The following ZNF333 variants were observed in gnomAD, a reference collection of about 807,000 sequenced individuals.
The protein encoded by ZNF333 is zinc finger protein 333.
ZNF333 carries 61 observed loss-of-function variants against 76.1 expected under a neutral mutation model. The ratio of observed to expected loss-of-function variants is 0.80; its 90% CI spans 0.65 to 0.99. ZNF333 has a LOEUF of 0.99. Among genes scored for constraint, ZNF333 ranks in the 50% least tolerant of loss-of-function variants. The pLI is 0.00. For synonymous variants in ZNF333, 284 were observed against 305.0 expected (o/e 0.93, Z 0.72); for missense variants, 717 against 822.4 (o/e 0.87, Z 1.57).
rs1470360312 is a variant in ZNF333, at chr19:14,718,695, G to T, written c.1368G>T (p.Gly456=). Residue 456 remains glycine, a synonymous_variant, in exon 12 of 12, where the codon GGG becomes GGT. Transcript: ENST00000292530. ...AGCCCTACGAGTGTAAAGATTGTGG[G>T]AAAGCCTTCAATCAGCCATCATCCC... ...GEKPYECKDC[G]KAFNQPSSLR... 2 of 1,613,894 alleles carry T rather than the reference G, an allele frequency of 1.2e-6. No individual in the cohort carries two copies. Among genetic ancestry groups the T allele is most frequent in the Non-Finnish European group, 1.7e-6 (2 of 1,180,028 alleles).
chr19:14,706,866 T>A, intron 7 of ZNF333, 93 bp downstream of exon 7: 2 of 1,080,674 alleles, frequency 1.9e-6, no homozygotes, highest in African/African-American at 1.6e-5. Flanking sequence ...CTGCATTTCC[T>A]CTGACTGCAG....
intron 2 of ZNF333, among the ~76,000 whole-genome samples, chr19:14,694,520 C>G (rs556856676): frequency 6.6e-6 from 1 of 152,082 alleles, no homozygotes; most frequent in Non-Finnish European, 1.5e-5. Context: ...AATGGAAGTC[C>G]TACTTTCACA....
chr19:14,720,277 A>G lies in ZNF333; in HGVS notation c.*952A>G, dbSNP rs1018182993. ...TCCTCCGGTCCTGGCTAGTATGAAT[A>G]TGAGAAGTCACTGGATGTGACTCTG... On this transcript the variant is annotated 3_prime_UTR_variant, in exon 12 of 12. Coordinates refer to ENST00000292530, the MANE Select transcript of ZNF333 (RefSeq NM_032433.4). 3.0e-6 allele frequency: 3 copies of G among 985,300 alleles called. No homozygotes were observed. The highest frequency in any genetic ancestry group is 3.6e-6 in the Non-Finnish European group (3 of 829,932). The allele number at this position is 985,300 out of a possible 1,614,324, so 61.0% of individuals were successfully genotyped here. A position where few individuals can be genotyped will look rare whatever the true frequency, so the allele number is the denominator to read the frequency against.
intron 7 of ZNF333, among the ~76,000 whole-genome samples, chr19:14,707,680 T>C (rs2042154934): frequency 6.7e-6 from 1 of 149,342 alleles, no homozygotes; most frequent in Non-Finnish European, 1.5e-5. Context: ...GCCTCCCGAG[T>C]AGCTGGGATT....
intron 7 of ZNF333, among the ~76,000 whole-genome samples, chr19:14,710,400 TC>T (rs1262046956): frequency 2.6e-5 from 4 of 152,268 alleles, no homozygotes; most frequent in African/African-American, 9.6e-5. Context: ...ACCACCCCAG[TC>T]TTGATGATCC....
chr19:14,690,229 C>G (rs1972652520), intron 1 of ZNF333, 79 bp downstream of exon 1: 1 of 152,170 alleles, frequency 6.6e-6, no homozygotes, highest in African/African-American at 2.4e-5. Context: ...GGGCCTAGAA[C>G]AGCTCCGCCT....
At chr19:14,730,778 A>AAAAAC in intron 11 of ZNF333, among the ~76,000 whole-genome samples, 1 of 151,586 alleles carries the variant, frequency 6.6e-6, no homozygotes, top group Non-Finnish European at 1.5e-5. Flanking sequence ...ATAGTACCTG[A>AAAAAC]TAGGTAGTTT....
chr19:14,702,633 G>A (rs1034230939), intron 5 of ZNF333, among the ~76,000 whole-genome samples: 6 of 152,188 alleles, frequency 3.9e-5, no homozygotes, highest in African/African-American at 1.4e-4. Flanking sequence ...CAGACACCTG[G>A]CTCCTTGAGG....
chr19:14,706,155 G>T (rs948702865), intron 6 of ZNF333: 1 of 457,484 alleles, frequency 2.2e-6, no homozygotes, highest in African/African-American at 2.0e-5. Flanking sequence ...CTGGACTCCA[G>T]TTCTGCTCCT....
chr19:14,727,306 G>GCC (rs1167360668), intron 11 of ZNF333, among the ~76,000 whole-genome samples: 1 of 152,132 alleles, frequency 6.6e-6, no homozygotes, highest in Non-Finnish European at 1.5e-5. Flanking sequence ...GGGATTACAG[G>GCC]TGTGAGCCAC....
At chr19:14,710,260 C>T (rs1290792900) in intron 7 of ZNF333, among the ~76,000 whole-genome samples, 1 of 152,192 alleles carries the variant, frequency 6.6e-6, no homozygotes, top group African/African-American at 2.4e-5. Context: ...GAACCGCACC[C>T]CCCAGCCCAC....
chr19:14,715,526 A>G (rs968290339), intron 8 of ZNF333, 56 bp downstream of exon 8: 15 of 1,535,096 alleles, frequency 9.8e-6, no homozygotes, highest in Middle Eastern at 1.7e-4. Context: ...GGCTGGACTT[A>G]CCTTCTTCCT....
intron 8 of ZNF333, 55 bp downstream of exon 8, chr19:14,715,525 T>TA (rs1555775749): frequency 5.8e-6 from 9 of 1,539,188 alleles, no homozygotes; most frequent in South Asian, 5.7e-5. Context: ...AGGCTGGACT[T>TA]ACCTTCTTCC....
rs2042360761 is a variant in ZNF333, at chr19:14,714,274, TAGGAGGTCACA to T, written c.512-1104_512-1094del. Among the ~76,000 whole-genome samples, 4 of 151,996 alleles carry T rather than the reference TAGGAGGTCACA, an allele frequency of 2.6e-5. No individual in the cohort carries two copies. In the South Asian group the frequency reaches 8.3e-4, roughly 32 times the overall value. ...AGGGTCTTTGCAGCTGTAACCAAGT[TAGGAGGTCACA>T]AGGTTGGGCCCCAATCCAACATGAC... On this transcript the variant is annotated intron_variant, in intron 7 of 11. Transcript: ENST00000292530.
At position 14,721,844 on chromosome 19, in the gene ZNF333, A is replaced by G. The variant is rs1415187463; in HGVS notation, c.*2519A>G. 6.6e-6 allele frequency: 1 copy of G among 152,206 alleles called. No individual in the cohort carries two copies. The highest frequency in any genetic ancestry group is 1.5e-5 in the Non-Finnish European group (1 of 68,042). The allele number at this position is 152,206 out of a possible 1,614,324, so 9.4% of individuals were successfully genotyped here. ...TTCCATATCTTGGCTATTGTGAATA[A>G]TCCTGCAGGTTTTATTGTTATGAAT... is the stretch of plus-strand genomic sequence containing the variant. On this transcript the variant is annotated 3_prime_UTR_variant, in exon 12 of 12. Coordinates refer to ENST00000292530, the MANE Select transcript of ZNF333 (RefSeq NM_032433.4).
chr19:14,708,770 G>C (rs1034257434), intron 7 of ZNF333: 1 of 168,318 alleles, frequency 5.9e-6, no homozygotes, highest in African/African-American at 2.4e-5. Flanking sequence ...TTGTCTCACC[G>C]TTCTGGAGGC....
intron 5 of ZNF333, among the ~76,000 whole-genome samples, chr19:14,701,302 T>G (rs1236920778): frequency 6.6e-6 from 1 of 152,168 alleles, no homozygotes; most frequent in African/African-American, 2.4e-5. Flanking sequence ...ACTGGCACGA[T>G]CATAGCTCCC....
At chr19:14,731,153 CT>C in intron 11 of ZNF333, 1 of 1,533,164 alleles carries the variant, frequency 6.5e-7, no homozygotes, top group Non-Finnish European at 8.7e-7. Context: ...CTCATTCTTC[CT>C]CCTTATAATT....
chr19:14,716,344 CGCT>C, intron 9 of ZNF333, 106 bp downstream of exon 9: 1 of 1,335,618 alleles, frequency 7.5e-7, no homozygotes, highest in Non-Finnish European at 1.0e-6. Flanking sequence ...CTGCAACCTC[CGCT>C]TCCTGGGCTC....
Sources: gnomAD v4.1 joint callset for allele counts (sites outside exome capture counted in the v4.1 genomes callset) on GRCh38, gnomAD v4.1.1 for gene constraint, MANE v1.5 for transcripts, NCBI Gene and HGNC (gene_info 2026-07-23, HGNC 2026-07-21) for gene names.